Variants in TNR observed in about 807,000 individuals in gnomAD.
TNR encodes tenascin R.
In TNR, 45 loss-of-function variants were observed where a neutral mutation model predicts 150.4. The observed-to-expected ratio is 0.30, with a 90% CI of 0.24 to 0.38. The LOEUF (loss-of-function observed/expected upper bound fraction) is 0.38, where lower values mean the gene tolerates loss of function less well. TNR is among the 10% of genes least tolerant of loss of function. TNR has a pLI of 1.00. For synonymous variants in TNR, 687 were observed against 678.4 expected (o/e 1.01, Z -0.20); for missense variants, 1,544 against 1,759.1 (o/e 0.88, Z 2.19).
At chr1:175,727,889 T>A (rs1441756112) in intron 1 of TNR, among the ~76,000 whole-genome samples, 1 of 152,164 alleles carries the variant, frequency 6.6e-6, no homozygotes, top group Admixed American at 6.5e-5. Context: ...CAACTGTCTC[T>A]TGAGAAAGGA....
intron 1 of TNR, among the ~76,000 whole-genome samples, chr1:175,618,798 G>A (rs1460088414): frequency 6.6e-6 from 1 of 152,178 alleles, no homozygotes; most frequent in Non-Finnish European, 1.5e-5. Context: ...GTTAACCTGG[G>A]TGCTGGGACT....
intron 1 of TNR, among the ~76,000 whole-genome samples, chr1:175,607,963 C>G (rs1663468703): frequency 6.6e-6 from 1 of 152,214 alleles, no homozygotes; most frequent in Admixed American, 6.5e-5. Context: ...TGAGCTTAGT[C>G]AGTTCTGTGG....
intron 1 of TNR, among the ~76,000 whole-genome samples, chr1:175,728,652 T>C (rs1206559644): frequency 6.6e-6 from 1 of 152,240 alleles, no homozygotes; most frequent in African/African-American, 2.4e-5. Context: ...CAATCATTTA[T>C]ACATAGGTGT....
intron 18 of TNR, among the ~76,000 whole-genome samples, chr1:175,354,005 C>T (rs1651198506): frequency 1.3e-5 from 2 of 152,022 alleles, no homozygotes; most frequent in Non-Finnish European, 2.9e-5. Flanking sequence ...ACCACCATGC[C>T]CAACTAATTT....
intron 2 of TNR, among the ~76,000 whole-genome samples, chr1:175,507,927 T>C (rs1012061467): frequency 6.6e-6 from 1 of 152,214 alleles, no homozygotes; most frequent in African/African-American, 2.4e-5. Context: ...TCTTTGTTTT[T>C]TCTCCTTTTG....
At chr1:175,467,718 G>A (rs1657095421) in intron 2 of TNR, among the ~76,000 whole-genome samples, 1 of 152,180 alleles carries the variant, frequency 6.6e-6, no homozygotes, top group African/African-American at 2.4e-5. Flanking sequence ...CATGAGGTCA[G>A]GGAAGAGGAA....
chr1:175,541,950 C>T (rs1218099753), intron 1 of TNR, among the ~76,000 whole-genome samples: 3 of 152,154 alleles, frequency 2.0e-5, no homozygotes, highest in African/African-American at 4.8e-5. Flanking sequence ...TAAGCTTAAA[C>T]TTTCCAGACA....
At chr1:175,583,907 T>C (rs958325389) in intron 1 of TNR, among the ~76,000 whole-genome samples, 7 of 152,098 alleles carry the variant, frequency 4.6e-5, no homozygotes, top group Non-Finnish European at 7.4e-5. Context: ...ACAGGCCAGC[T>C]CACCCTGCCC....
chr1:175,671,708 T>A (rs1665700803), intron 1 of TNR, among the ~76,000 whole-genome samples: 1 of 152,252 alleles, frequency 6.6e-6, no homozygotes, highest in Non-Finnish European at 1.5e-5. Flanking sequence ...TCAAATTAAC[T>A]GGGTTTGTCA....
At chr1:175,722,131 C>T (rs1214278052) in intron 1 of TNR, among the ~76,000 whole-genome samples, 2 of 152,220 alleles carry the variant, frequency 1.3e-5, no homozygotes, top group Admixed American at 6.5e-5. Context: ...TCCCCTTGGG[C>T]GGCAGCTCCC....
intron 1 of TNR, among the ~76,000 whole-genome samples, chr1:175,734,417 C>G (rs73037263): frequency 6.6e-6 from 1 of 152,182 alleles, no homozygotes; most frequent in Non-Finnish European, 1.5e-5. Context: ...GATTTCCCCA[C>G]GTCTCCACAG....
At chr1:175,504,032 G>A (rs1658850632) in intron 2 of TNR, among the ~76,000 whole-genome samples, 2 of 152,146 alleles carry the variant, frequency 1.3e-5, no homozygotes, top group Admixed American at 1.3e-4. Context: ...TGCACCGCGG[G>A]GTGTACGAAG....
At chr1:175,560,182 TC>T (rs1365999928) in intron 1 of TNR, among the ~76,000 whole-genome samples, 1 of 152,256 alleles carries the variant, frequency 6.6e-6, no homozygotes, top group Non-Finnish European at 1.5e-5. Flanking sequence ...GAACTTTAGT[TC>T]TACCCCTGTT....
chr1:175,672,020 C>T (rs1665716748), intron 1 of TNR, among the ~76,000 whole-genome samples: 2 of 152,060 alleles, frequency 1.3e-5, no homozygotes, highest in South Asian at 4.2e-4. Flanking sequence ...CACTAGTTGG[C>T]TCATAGCAGA....
intron 8 of TNR, among the ~76,000 whole-genome samples, chr1:175,380,932 G>T (rs181798358): frequency 3.9e-5 from 6 of 152,312 alleles, no homozygotes; most frequent in East Asian, 1.9e-4. Flanking sequence ...TCCACCAATT[G>T]TTCTTGTGGA....
chr1:175,716,402 C>A (rs538249648), intron 1 of TNR, among the ~76,000 whole-genome samples: 2 of 152,314 alleles, frequency 1.3e-5, no homozygotes, highest in East Asian at 3.9e-4. Context: ...TTGTTGTTTT[C>A]TCATTCCTGT....
chr1:175,449,689 G>A (rs1656220342), intron 2 of TNR, among the ~76,000 whole-genome samples: 1 of 152,172 alleles, frequency 6.6e-6, no homozygotes, highest in Non-Finnish European at 1.5e-5. Context: ...AGAAGCATGG[G>A]GATCCCATGG....
intron 1 of TNR, among the ~76,000 whole-genome samples, chr1:175,577,759 G>A (rs1269874293): frequency 3.9e-5 from 6 of 152,140 alleles, no homozygotes; most frequent in Non-Finnish European, 8.8e-5. Flanking sequence ...CACTGTATTT[G>A]ATGGTCCAGC....
At chr1:175,553,514 C>A (rs1661024788) in intron 1 of TNR, among the ~76,000 whole-genome samples, 1 of 152,174 alleles carries the variant, frequency 6.6e-6, no homozygotes, top group African/African-American at 2.4e-5. Flanking sequence ...GCCTCTTTTG[C>A]AAGTCTTTTA....
Sources: gnomAD v4.1 joint callset for allele counts (sites outside exome capture counted in the v4.1 genomes callset) on GRCh38, gnomAD v4.1.1 for gene constraint, MANE v1.5 for transcripts, NCBI Gene and HGNC (gene_info 2026-07-23, HGNC 2026-07-21) for gene names.